PRDM16: variants seen among roughly 807,000 people sequenced by gnomAD.
PRDM16 encodes PR/SET domain 16, also known as histone-lysine N-methyltransferase PRDM16.
PRDM16 carries 23 observed loss-of-function variants against 110.6 expected under a neutral mutation model. That is an observed-to-expected ratio of 0.21 (90% CI 0.15 to 0.29). PRDM16 has a LOEUF of 0.29. Ranked by LOEUF, PRDM16 falls within the 10% of genes least tolerant of loss-of-function variation. The probability of loss-of-function intolerance (pLI) is 1.00; values close to 1 mark genes in which losing one functional copy is unlikely to be tolerated. For synonymous variants in PRDM16, 799 were observed against 781.8 expected, an observed-to-expected ratio of 1.02 and a Z score of -0.37; for missense variants, 1,615 against 1,794.3, an observed-to-expected ratio of 0.90 and a Z score of 1.81.
chr1:3,261,515 A>G lies in PRDM16; in HGVS notation c.438+17378A>G, dbSNP rs1267750260. On this transcript the variant is annotated intron_variant, in intron 3 of 16. Transcript: ENST00000270722. ...GAAAGCTGAGGCCTTTGCAAAGTCT[A>G]TTTACACAGTGGCGAGAGTCCCTTT... 4.6e-5 allele frequency among the ~76,000 whole-genome samples: 7 copies of G among 152,208 alleles called. No individual in the cohort carries two copies. The East Asian group carries it at 9.7e-4, about 21-fold the overall frequency.
At chr1:3,233,561 C>A (rs866069534) in intron 2 of PRDM16, among the ~76,000 whole-genome samples, 4 of 152,226 alleles carry the variant, frequency 2.6e-5, no homozygotes, top group Admixed American at 6.5e-5. Context: ...CGCCAGCATC[C>A]TTCTCCCTGC....
intron 10 of PRDM16, among the ~76,000 whole-genome samples, chr1:3,415,008 G>A (rs948628250): frequency 2.6e-5 from 4 of 152,222 alleles, no homozygotes; most frequent in East Asian, 1.9e-4. Context: ...AGGACACAGC[G>A]TGGGCGCTCT....
chr1:3,085,179 A>C (rs1425775961), intron 1 of PRDM16, among the ~76,000 whole-genome samples: 1 of 152,172 alleles, frequency 6.6e-6, no homozygotes, highest in Non-Finnish European at 1.5e-5. Flanking sequence ...GGACACCACC[A>C]TGTGCAGAGG....
chr1:3,219,765 C>G (rs1292002144), intron 2 of PRDM16, among the ~76,000 whole-genome samples: 1 of 152,212 alleles, frequency 6.6e-6, no homozygotes, highest in African/African-American at 2.4e-5. Flanking sequence ...GCTCTGTAAC[C>G]GCCCGCCTGC....
intron 3 of PRDM16, among the ~76,000 whole-genome samples, chr1:3,316,468 A>T (rs1207466037): frequency 1.3e-5 from 2 of 152,240 alleles, no homozygotes; most frequent in African/African-American, 2.4e-5. Flanking sequence ...ACTGGGAGGG[A>T]TTCAGGACAG....
intron 2 of PRDM16, among the ~76,000 whole-genome samples, chr1:3,228,916 A>C (rs562322290): frequency 6.6e-6 from 1 of 152,234 alleles, no homozygotes; most frequent in South Asian, 2.1e-4. Context: ...CGGCAACCTC[A>C]CCCCTCTTTT....
chr1:3,073,820 C>T (rs1641825648), intron 1 of PRDM16, among the ~76,000 whole-genome samples: 1 of 152,116 alleles, frequency 6.6e-6, no homozygotes, highest in African/African-American at 2.4e-5. Flanking sequence ...CTCTCCCCTT[C>T]TAGAGCCCCA....
At chr1:3,277,752 C>T (rs1640620294) in intron 3 of PRDM16, among the ~76,000 whole-genome samples, 1 of 126,606 alleles carries the variant, frequency 7.9e-6, no homozygotes, top group African/African-American at 2.7e-5. Flanking sequence ...CACACGCACA[C>T]ACATGCACAC....
chr1:3,253,454 T>C (rs61759185), intron 3 of PRDM16, among the ~76,000 whole-genome samples: 77 of 145,802 alleles, frequency 5.3e-4, no homozygotes, highest in African/African-American at 1.6e-3. Flanking sequence ...TGAGAACATG[T>C]GGTGTTTGGT....
chr1:3,076,224 G>T (rs1641896603), intron 1 of PRDM16, among the ~76,000 whole-genome samples: 1 of 152,206 alleles, frequency 6.6e-6, no homozygotes, highest in African/African-American at 2.4e-5. Flanking sequence ...GTGTGTCCAG[G>T]TGTGCGTGTG....
At position 3,080,890 on chromosome 1, in the gene PRDM16, C is replaced by G. The variant is rs184730413; in HGVS notation, c.37+11594C>G. On this transcript the variant is annotated intron_variant, in intron 1 of 16. Coordinates refer to ENST00000270722, the MANE Select transcript of PRDM16 (RefSeq NM_022114.4). This position sits in a 1 kb window ranked among gnomAD's most constrained non-coding sequence, Gnocchi z 5.2. ...CCACATGAGTAGCAGAACCCCGGCC[C>G]GAGCACCCAACGCTTCCCGGAGAGC... Among the ~76,000 whole-genome samples the G allele has an allele frequency of 6.6e-6, 1 of 152,084 alleles. No homozygotes were observed. Among genetic ancestry groups the G allele is most frequent in the Non-Finnish European group, 1.5e-5 (1 of 68,016 alleles).
chr1:3,242,406 C>T (rs1639693807), intron 2 of PRDM16, among the ~76,000 whole-genome samples: 2 of 152,226 alleles, frequency 1.3e-5, no homozygotes, highest in East Asian at 1.9e-4. Flanking sequence ...TCCTTCTACT[C>T]TCGAGAGCTC....
intron 2 of PRDM16, among the ~76,000 whole-genome samples, chr1:3,225,546 GTGT>G (rs1639266845): frequency 6.7e-6 from 1 of 148,382 alleles, no homozygotes; most frequent in African/African-American, 2.6e-5. Context: ...GTGTGTGTGT[GTGT>G]GTGTGTGTGT....
chr1:3,371,874 G>C (rs1249322502), intron 3 of PRDM16, among the ~76,000 whole-genome samples: 2 of 152,238 alleles, frequency 1.3e-5, no homozygotes, highest in Non-Finnish European at 2.9e-5. Flanking sequence ...TGACAAATGT[G>C]GATATGAGGG....
intron 3 of PRDM16, among the ~76,000 whole-genome samples, chr1:3,373,885 G>A (rs1041084264): frequency 6.6e-6 from 1 of 152,250 alleles, no homozygotes; most frequent in African/African-American, 2.4e-5. Flanking sequence ...AGAAGACAGA[G>A]CAGGGAACAG....
chr1:3,336,726 G>A (rs1446813924), intron 3 of PRDM16, among the ~76,000 whole-genome samples: 1 of 151,922 alleles, frequency 6.6e-6, no homozygotes, highest in East Asian at 1.9e-4. Context: ...ATGTGTGTTG[G>A]TGTGAATCTG....
intron 1 of PRDM16, among the ~76,000 whole-genome samples, chr1:3,114,218 A>AAC (rs143413205): frequency 0.15 from 12,272 of 81,502 alleles, 1,107 homozygotes; most frequent in East Asian, 0.42. Context: ...CACGCACACG[A>AAC]ACACACACGC....
chr1:3,395,668 T>G (rs971079466), intron 4 of PRDM16, among the ~76,000 whole-genome samples: 1 of 152,208 alleles, frequency 6.6e-6, no homozygotes, highest in Non-Finnish European at 1.5e-5. Context: ...AGGCCTCAGA[T>G]GGCCTGGCCT....
At chr1:3,189,715 C>A (rs1638250888) in intron 2 of PRDM16, among the ~76,000 whole-genome samples, 1 of 152,174 alleles carries the variant, frequency 6.6e-6, no homozygotes, top group Non-Finnish European at 1.5e-5. Flanking sequence ...TGGCCTAGAG[C>A]ACGGTGTTGT....
Sources: allele counts gnomAD v4.1 joint callset (sites outside exome capture counted in the v4.1 genomes callset), GRCh38; gene constraint gnomAD v4.1.1; non-coding constraint Gnocchi (gnomAD v3.1); transcripts MANE v1.5; gene names NCBI Gene and HGNC (gene_info 2026-07-23, HGNC 2026-07-21).